PBX3: variants seen among roughly 807,000 people sequenced by gnomAD.
PBX3 encodes the protein PBX homeobox 3.
In PBX3, 14 loss-of-function variants were observed where a neutral mutation model predicts 48.5. The observed-to-expected ratio is 0.29, with a 90% confidence interval of 0.19 to 0.45. PBX3 has a LOEUF of 0.45. PBX3 is among the 20% of genes least tolerant of loss of function. The pLI is 1.00. For synonymous variants in PBX3, 210 were observed against 200.3 expected (o/e 1.05, Z -0.41); for missense variants, 386 against 546.7 (o/e 0.71, Z 2.93).
intron 3 of PBX3, among the ~76,000 whole-genome samples, chr9:125,916,201 A>T (rs1471238907): frequency 6.6e-6 from 1 of 152,186 alleles, no homozygotes; most frequent in East Asian, 1.9e-4. Context: ...ACCTGCAGTC[A>T]TTCTTCCCTC....
intron 2 of PBX3, among the ~76,000 whole-genome samples, chr9:125,768,455 A>G (rs1836857216): frequency 6.6e-6 from 1 of 152,230 alleles, no homozygotes; most frequent in South Asian, 2.1e-4. Context: ...TAAAACGTTA[A>G]GTTAATTTAA....
intron 2 of PBX3, among the ~76,000 whole-genome samples, chr9:125,860,020 A>G (rs938322100): frequency 6.6e-6 from 1 of 152,230 alleles, no homozygotes; most frequent in Admixed American, 6.5e-5. Flanking sequence ...CAGCTGAGAA[A>G]GGCTGAGTTA....
At chr9:125,757,442 A>G (rs900037061) in intron 2 of PBX3, among the ~76,000 whole-genome samples, 1 of 152,162 alleles carries the variant, frequency 6.6e-6, no homozygotes, top group African/African-American at 2.4e-5. Flanking sequence ...TTTTGTGATA[A>G]TTGTTCACAG....
chr9:125,860,921 T>C (rs1032846842), intron 2 of PBX3, among the ~76,000 whole-genome samples: 1 of 149,822 alleles, frequency 6.7e-6, no homozygotes, highest in Admixed American at 6.6e-5. Flanking sequence ...TCAACATTAT[T>C]AGTCATCAGG....
At chr9:125,871,813 A>G (rs746084162) in intron 2 of PBX3, among the ~76,000 whole-genome samples, 1 of 152,198 alleles carries the variant, frequency 6.6e-6, no homozygotes, top group Non-Finnish European at 1.5e-5. Context: ...TTCTCATTAC[A>G]TTTCTATGGG....
chr9:125,811,925 T>C (rs1838301906), intron 2 of PBX3, among the ~76,000 whole-genome samples: 2 of 152,176 alleles, frequency 1.3e-5, no homozygotes, highest in African/African-American at 4.8e-5. Flanking sequence ...TGTGGTAGTA[T>C]TAAGGGGTGG....
intron 2 of PBX3, among the ~76,000 whole-genome samples, chr9:125,845,408 A>G (rs1166038868): frequency 2.0e-5 from 3 of 152,168 alleles, no homozygotes; most frequent in African/African-American, 4.8e-5. Flanking sequence ...GTTGAGTTGC[A>G]TTCATTTTAT....
chr9:125,952,454 A>G lies in PBX3; in HGVS notation c.844-8230A>G, dbSNP rs186387875. Among the ~76,000 whole-genome samples the G allele has an allele frequency of 7.0e-3, 1,069 of 152,348 alleles. 12 individuals are homozygous for G. The highest frequency in any genetic ancestry group is 8.7e-3 in the Non-Finnish European group (591 of 68,038). On this transcript the variant is annotated intron_variant, in intron 5 of 8. Coordinates refer to ENST00000373489, the MANE Select transcript of PBX3 (RefSeq NM_006195.6). ...CAATAAATGTAGTGACAAAGTTTGA[A>G]ACATAAGATACAATTAAAGCTAATT...
intron 2 of PBX3, among the ~76,000 whole-genome samples, chr9:125,871,019 T>C (rs993290932): frequency 3.9e-5 from 6 of 152,180 alleles, no homozygotes; most frequent in Middle Eastern, 6.3e-3. Context: ...ATTCCACTTC[T>C]AGATATAAAG....
chr9:125,894,947 G>A (rs1219915343), intron 2 of PBX3, among the ~76,000 whole-genome samples: 1 of 152,034 alleles, frequency 6.6e-6, no homozygotes, highest in East Asian at 1.9e-4. Context: ...GTATACAAGG[G>A]TAGTAAAAAA....
intron 2 of PBX3, among the ~76,000 whole-genome samples, chr9:125,853,836 T>G (rs919260562): frequency 6.6e-6 from 1 of 152,168 alleles, no homozygotes; most frequent in Non-Finnish European, 1.5e-5. Context: ...AAAATAATTC[T>G]TAAAATAAAA....
intron 2 of PBX3, among the ~76,000 whole-genome samples, chr9:125,841,705 A>G (rs1839294612): frequency 6.6e-6 from 1 of 152,126 alleles, no homozygotes; most frequent in African/African-American, 2.4e-5. Flanking sequence ...TTTTGTTCAG[A>G]ATGCTGTTGA....
At chr9:125,918,637 T>C (rs537251090) in intron 3 of PBX3, among the ~76,000 whole-genome samples, 3 of 152,290 alleles carry the variant, frequency 2.0e-5, no homozygotes, top group South Asian at 2.1e-4. Flanking sequence ...GACAAATGAA[T>C]AGATGGGGTA....
chr9:125,748,673 C>CTCCA, intron 2 of PBX3, 50 bp downstream of exon 2: 1 of 1,422,794 alleles, frequency 7.0e-7, no homozygotes, highest in Non-Finnish European at 9.9e-7. Flanking sequence ...AGGTGGGGGT[C>CTCCA]GGAGCTACTC....
At chr9:125,939,292 TAGGCAAAAGAG>T (rs1437660624) in intron 5 of PBX3, among the ~76,000 whole-genome samples, 1 of 152,058 alleles carries the variant, frequency 6.6e-6, no homozygotes, top group Non-Finnish European at 1.5e-5. Context: ...ATTTCAAAAA[TAGGCAAAAGAG>T]TCAAACAAGG....
chr9:125,938,043 C>T lies in PBX3; in HGVS notation c.843+2436C>T, dbSNP rs191309832. Among the ~76,000 whole-genome samples, 99 of 152,238 alleles carry T rather than the reference C, an allele frequency of 6.5e-4. 2 individuals are homozygous for T. Among genetic ancestry groups the T allele is most frequent in the African/African-American group, 1.7e-3 (69 of 41,554 alleles). On this transcript the variant is annotated intron_variant, in intron 5 of 8. Transcript: ENST00000373489. ...TTAAATTTAGAATCTAGAAATTGTTCATAGAGAAAACCAACTTTAAAAATA... is the reference window on the plus strand; with the variant it reads ...TTAAATTTAGAATCTAGAAATTGTTTATAGAGAAAACCAACTTTAAAAATA...
chr9:125,856,527 G>A (rs987984428), intron 2 of PBX3, among the ~76,000 whole-genome samples: 6 of 152,100 alleles, frequency 3.9e-5, no homozygotes, highest in Admixed American at 2.0e-4. Context: ...GCGGCGCCTC[G>A]GGCCTGGGTT....
At chr9:125,859,381 A>C (rs565514880) in intron 2 of PBX3, among the ~76,000 whole-genome samples, 21 of 152,312 alleles carry the variant, frequency 1.4e-4, no homozygotes, top group African/African-American at 5.1e-4. Flanking sequence ...GAGGGAAGGC[A>C]ATGAAGAACA....
rs1317295262 is a variant in PBX3, at chr9:125,802,880, T to C, written c.274+54257T>C. On this transcript the variant is annotated intron_variant, in intron 2 of 8. Coordinates refer to ENST00000373489, the MANE Select transcript of PBX3 (RefSeq NM_006195.6). ...TTTTAGTAGAGACAAGGTTTCCCCATATCGGTCAAACTGGTCTCGAACTCC... is the reference window on the plus strand; with the variant it reads ...TTTTAGTAGAGACAAGGTTTCCCCACATCGGTCAAACTGGTCTCGAACTCC... Among the ~76,000 whole-genome samples the C allele has an allele frequency of 5.3e-5, 8 of 152,086 alleles. No homozygotes were observed. The South Asian group carries it at 1.7e-3, about 32-fold the overall frequency.
Sources: gnomAD v4.1 joint callset for allele counts (sites outside exome capture counted in the v4.1 genomes callset) on GRCh38, gnomAD v4.1.1 for gene constraint, MANE v1.5 for transcripts, NCBI Gene and HGNC (gene_info 2026-07-23, HGNC 2026-07-21) for gene names.